Variants in ZC3H12B observed in about 807,000 individuals in gnomAD.
The protein encoded by ZC3H12B is probable ribonuclease ZC3H12B.
In ZC3H12B, 7 loss-of-function variants were observed where a neutral mutation model predicts 43.9. The observed-to-expected ratio is 0.16, with a 90% CI of 0.09 to 0.30. The LOEUF (loss-of-function observed/expected upper bound fraction) is 0.30, where lower values mean the gene tolerates loss of function less well. ZC3H12B is among the 10% of genes least tolerant of loss of function. The pLI, the probability that ZC3H12B is intolerant of heterozygous loss-of-function variation, is 1.00. For synonymous variants in ZC3H12B, 222 were observed against 241.7 expected, an observed-to-expected ratio of 0.92 and a Z score of 0.76; for missense variants, 475 against 670.2, an observed-to-expected ratio of 0.71 and a Z score of 3.22.
At chrX:65,207,776 C>G in the ZC3H12B span, among the ~76,000 whole-genome samples, 1 of 67,392 alleles carries the variant, frequency 1.5e-5, no homozygotes, top group Non-Finnish European at 2.7e-5. Context: ...GCAGTATGGC[C>G]ATTTTCACGA....
the ZC3H12B span, among the ~76,000 whole-genome samples, chrX:65,266,233 T>A: frequency 6.3e-5 from 7 of 111,875 alleles, no homozygotes; most frequent in Non-Finnish European, 1.1e-4. Context: ...CACACAGAGG[T>A]ACATGGAACT....
the ZC3H12B span, among the ~76,000 whole-genome samples, chrX:65,205,981 G>C: frequency 9.0e-6 from 1 of 111,571 alleles, no homozygotes; most frequent in African/African-American, 3.3e-5. Flanking sequence ...CCTTTACAAG[G>C]AAAACTACAA....
At chrX:65,164,817 T>G in the ZC3H12B span, among the ~76,000 whole-genome samples, 1 of 112,221 alleles carries the variant, frequency 8.9e-6, no homozygotes, top group Non-Finnish European at 1.9e-5. Context: ...AAAGTAGCCC[T>G]GTGTGAATAC....
At chrX:65,318,935 T>C in the ZC3H12B span, among the ~76,000 whole-genome samples, 6 of 111,385 alleles carry the variant, frequency 5.4e-5, no homozygotes, top group Admixed American at 4.8e-4. Context: ...ATGGTTAAGA[T>C]GGAATAGTAT....
At chrX:65,083,538 A>G in the ZC3H12B span, among the ~76,000 whole-genome samples, 1 of 111,624 alleles carries the variant, frequency 9.0e-6, no homozygotes, top group African/African-American at 3.2e-5. Context: ...AACACCTCAA[A>G]TTAACCAAAG....
At chrX:65,077,916 T>C in the ZC3H12B span, among the ~76,000 whole-genome samples, 5 of 111,942 alleles carry the variant, frequency 4.5e-5, no homozygotes, top group Non-Finnish European at 7.5e-5. Flanking sequence ...ATTTTTTCTG[T>C]TCAGTAATTT....
At chrX:65,336,346 G>T in the ZC3H12B span, among the ~76,000 whole-genome samples, 27 of 111,902 alleles carry the variant, frequency 2.4e-4, no homozygotes, top group Non-Finnish European at 7.5e-5. Flanking sequence ...TGCCCTGGGG[G>T]CCAAGCCACA....
chrX:65,345,448 A>G, the ZC3H12B span, among the ~76,000 whole-genome samples: 41 of 111,982 alleles, frequency 3.7e-4, no homozygotes, highest in East Asian at 0.011. Context: ...ACACAGAAAC[A>G]GAAAACCAAA....
intron 2 of ZC3H12B, among the ~76,000 whole-genome samples, chrX:65,371,907 G>C (rs1169742994): frequency 9.0e-6 from 1 of 111,244 alleles, no homozygotes; most frequent in Admixed American, 9.6e-5. Flanking sequence ...CCAAAGAAGT[G>C]TACCTCACAC....
the ZC3H12B span, among the ~76,000 whole-genome samples, chrX:65,149,400 G>A: frequency 9.0e-6 from 1 of 111,689 alleles, no homozygotes; most frequent in African/African-American, 3.2e-5. Context: ...AGCTCTTGAG[G>A]TTGTTATTAG....
chrX:65,427,676 T>G, intron 3 of ZC3H12B, among the ~76,000 whole-genome samples: 1 of 111,688 alleles, frequency 9.0e-6, no homozygotes, highest in Non-Finnish European at 1.9e-5. Flanking sequence ...ATGAGATTGG[T>G]CTCTTGAAGA....
intron 3 of ZC3H12B, among the ~76,000 whole-genome samples, chrX:65,479,366 TA>T (rs1176500097): frequency 9.2e-5 from 9 of 97,988 alleles, no homozygotes; most frequent in Non-Finnish European, 1.3e-4. Flanking sequence ...ACACTATTTG[TA>T]TTTTTTTTTT....
chrX:65,234,153 A>G, the ZC3H12B span, among the ~76,000 whole-genome samples: 1 of 111,962 alleles, frequency 8.9e-6, no homozygotes, highest in Admixed American at 9.5e-5. Flanking sequence ...GAAAAAGATT[A>G]TCCATCATCA....
intron 3 of ZC3H12B, among the ~76,000 whole-genome samples, chrX:65,476,908 G>A (rs1315385219): frequency 4.7e-5 from 5 of 106,260 alleles, no homozygotes; most frequent in Middle Eastern, 9.6e-3. Context: ...TGCAACCTCT[G>A]CCTCCCAGGT....
At chrX:65,376,783 C>T (rs1195839546) in intron 2 of ZC3H12B, among the ~76,000 whole-genome samples, 2 of 111,122 alleles carry the variant, frequency 1.8e-5, no homozygotes, top group East Asian at 2.8e-4. Flanking sequence ...ACCCAGAAAG[C>T]CTTCTCAAGA....
chrX:65,293,965 G>C, the ZC3H12B span, among the ~76,000 whole-genome samples: 1 of 111,632 alleles, frequency 9.0e-6, no homozygotes, highest in Non-Finnish European at 1.9e-5. Context: ...CCCAGGCATA[G>C]CTAGAGATCT....
chrX:65,323,981 A>G, the ZC3H12B span, among the ~76,000 whole-genome samples: 3 of 112,297 alleles, frequency 2.7e-5, no homozygotes, highest in African/African-American at 9.7e-5. Context: ...TCTTGGCCGC[A>G]TAGATGTTGT....
At chrX:65,068,558 T>C in the ZC3H12B span, among the ~76,000 whole-genome samples, 2 of 112,329 alleles carry the variant, frequency 1.8e-5, no homozygotes, top group Non-Finnish European at 3.8e-5. Flanking sequence ...CTTCTATTGA[T>C]ATCTTATTGT....
At chrX:65,421,502 C>T (rs775462350) in intron 3 of ZC3H12B, among the ~76,000 whole-genome samples, 5 of 111,631 alleles carry the variant, frequency 4.5e-5, no homozygotes, top group Admixed American at 9.5e-5. Flanking sequence ...AGGGAAGGAG[C>T]AGAATTTTGT....
Sources: allele counts gnomAD v4.1 joint callset (sites outside exome capture counted in the v4.1 genomes callset), GRCh38; gene constraint gnomAD v4.1.1; transcripts MANE v1.5; gene names NCBI Gene and HGNC (gene_info 2026-07-23, HGNC 2026-07-21).